The following KHDRBS2 variants were observed in gnomAD, a reference collection of about 807,000 sequenced individuals.
KHDRBS2 encodes the protein KH RNA binding domain containing, signal transduction associated 2, also known as KH domain-containing, RNA-binding, signal transduction-associated protein 2.
In KHDRBS2, 26 loss-of-function variants were observed where a neutral mutation model predicts 44.3. The ratio of observed to expected loss-of-function variants is 0.59; its 90% CI spans 0.43 to 0.81. KHDRBS2 has a LOEUF of 0.81. KHDRBS2 is among the 40% of genes least tolerant of loss of function. The pLI is 0.00. For synonymous variants in KHDRBS2, 194 were observed against 151.1 expected (o/e 1.28, Z -2.08); for missense variants, 476 against 433.1 (o/e 1.10, Z -0.88).
the KHDRBS2 span, among the ~76,000 whole-genome samples, chr6:61,607,519 GC>G: frequency 2.1e-3 from 48 of 23,328 alleles, 3 homozygotes; most frequent in Non-Finnish European, 2.2e-3. Context: ...TGAGTTCCAA[GC>G]AAAAAAAAAA....
intron 1 of KHDRBS2, among the ~76,000 whole-genome samples, chr6:62,270,354 C>T (rs1425956283): frequency 1.5e-5 from 2 of 132,276 alleles, no homozygotes; most frequent in African/African-American, 5.6e-5. Context: ...TTCTCTCTCT[C>T]GCCATGTGAC....
chr6:62,017,199 G>T (rs960613611), intron 3 of KHDRBS2, among the ~76,000 whole-genome samples: 6 of 152,066 alleles, frequency 3.9e-5, no homozygotes, highest in Non-Finnish European at 5.9e-5. Context: ...TGTGCCTAGG[G>T]TCACATGACA....
chr6:61,545,905 C>G, the KHDRBS2 span, among the ~76,000 whole-genome samples: 1 of 152,144 alleles, frequency 6.6e-6, no homozygotes, highest in African/African-American at 2.4e-5. Context: ...GTCTTCAACC[C>G]AAGGGGAGAG....
At chr6:61,579,888 T>C in the KHDRBS2 span, among the ~76,000 whole-genome samples, 1 of 109,790 alleles carries the variant, frequency 9.1e-6, no homozygotes, top group South Asian at 3.2e-4. Context: ...AGAAACCCCG[T>C]CTCTACTAAA....
downstream of KHDRBS2, among the ~76,000 whole-genome samples, chr6:61,675,403 G>A (rs569060025): frequency 7.3e-4 from 107 of 146,134 alleles, no homozygotes; most frequent in African/African-American, 2.6e-3. Context: ...CTATTAATAC[G>A]GTATACTAAA....
intron 6 of KHDRBS2, among the ~76,000 whole-genome samples, chr6:61,798,080 T>C (rs1381776476): frequency 6.6e-6 from 1 of 152,212 alleles, no homozygotes; most frequent in African/African-American, 2.4e-5. Flanking sequence ...CCATGTATTC[T>C]TGTTGTTTAG....
intron 8 of KHDRBS2, among the ~76,000 whole-genome samples, chr6:61,692,992 G>A (rs1384619815): frequency 6.6e-6 from 1 of 151,994 alleles, no homozygotes; most frequent in Non-Finnish European, 1.5e-5. Context: ...TCTACGATAC[G>A]ACCACAATGT....
At chr6:62,119,399 C>A (rs1807064892) in intron 2 of KHDRBS2, among the ~76,000 whole-genome samples, 1 of 152,076 alleles carries the variant, frequency 6.6e-6, no homozygotes, top group Non-Finnish European at 1.5e-5. Flanking sequence ...ACTCATGGTT[C>A]CAGAAGCACA....
At chr6:61,660,291 A>T in the KHDRBS2 span, among the ~76,000 whole-genome samples, 1 of 151,808 alleles carries the variant, frequency 6.6e-6, no homozygotes, top group East Asian at 1.9e-4. Flanking sequence ...TAAAGAGAAG[A>T]TACTGTTTTC....
intron 7 of KHDRBS2, among the ~76,000 whole-genome samples, chr6:61,707,768 G>T (rs943179383): frequency 6.6e-6 from 1 of 151,504 alleles, no homozygotes; most frequent in African/African-American, 2.4e-5. Context: ...TAATTTCAAG[G>T]GATGAGAAAT....
rs542832316 is a variant in KHDRBS2, at chr6:61,867,666, TG to T, written c.810+26968del. Among the ~76,000 whole-genome samples the T allele has an allele frequency of 1.8e-3, 271 of 152,324 alleles. 1 individual carries two copies. Among genetic ancestry groups the T allele is most frequent in the African/African-American group, 6.1e-3 (255 of 41,582 alleles). The stretch of plus-strand genomic sequence containing the variant: ...CTTGTTTGCTTGTTTTTGTGTTGTT[TG>T]TTTGGCTTTTAACAGTCTGTCCACT... On this transcript the variant is annotated intron_variant, in intron 6 of 8. Coordinates refer to ENST00000281156, the MANE Select transcript of KHDRBS2 (RefSeq NM_152688.4).
chr6:61,588,065 G>GCCAC, the KHDRBS2 span, among the ~76,000 whole-genome samples: 2 of 152,218 alleles, frequency 1.3e-5, no homozygotes, highest in Non-Finnish European at 2.9e-5. Context: ...GCAAGAAAAG[G>GCCAC]CCACACCCTA....
At chr6:61,806,265 C>G (rs1787143057) in intron 6 of KHDRBS2, among the ~76,000 whole-genome samples, 1 of 152,138 alleles carries the variant, frequency 6.6e-6, no homozygotes, top group Non-Finnish European at 1.5e-5. Context: ...TGTTGGGGTA[C>G]TCATACTTGC....
chr6:61,808,636 A>G (rs1787568633), intron 6 of KHDRBS2, among the ~76,000 whole-genome samples: 1 of 152,096 alleles, frequency 6.6e-6, no homozygotes, highest in Non-Finnish European at 1.5e-5. Flanking sequence ...CAAAAAATAG[A>G]TAAGTGAGAA....
At chr6:61,828,952 A>T (rs1182298838) in intron 6 of KHDRBS2, among the ~76,000 whole-genome samples, 6 of 152,378 alleles carry the variant, frequency 3.9e-5, no homozygotes, top group Middle Eastern at 3.4e-3. Flanking sequence ...ACAGTGGGTT[A>T]GGATTATTAA....
chr6:61,584,986 T>C, the KHDRBS2 span, among the ~76,000 whole-genome samples: 1 of 152,012 alleles, frequency 6.6e-6, no homozygotes, highest in East Asian at 1.9e-4. Context: ...TGTGTAAATT[T>C]ATACCAAAAT....
At chr6:61,542,862 G>A in the KHDRBS2 span, among the ~76,000 whole-genome samples, 2 of 151,866 alleles carry the variant, frequency 1.3e-5, no homozygotes, top group Non-Finnish European at 2.9e-5. Context: ...AGGAGATTTG[G>A]CCCTGCTGGA....
chr6:62,062,238 G>C (rs886071543), intron 2 of KHDRBS2, among the ~76,000 whole-genome samples: 2 of 148,652 alleles, frequency 1.3e-5, no homozygotes, highest in African/African-American at 5.0e-5. Context: ...AAGTCAGCAA[G>C]GATACCCAGG....
intron 2 of KHDRBS2, among the ~76,000 whole-genome samples, chr6:62,053,834 T>TA (rs1452605523): frequency 1.3e-5 from 2 of 152,130 alleles, no homozygotes; most frequent in East Asian, 3.9e-4. Flanking sequence ...AGTGTTTTCA[T>TA]AAAAATATTA....
Sources: gnomAD v4.1 joint callset for allele counts (sites outside exome capture counted in the v4.1 genomes callset) on GRCh38, gnomAD v4.1.1 for gene constraint, MANE v1.5 for transcripts, NCBI Gene and HGNC (gene_info 2026-07-23, HGNC 2026-07-21) for gene names.